The following PCYT2 variants were observed in gnomAD, a reference collection of about 807,000 sequenced individuals.
The protein encoded by PCYT2 is phosphate cytidylyltransferase 2, ethanolamine, also known as ethanolamine-phosphate cytidylyltransferase.
A neutral mutation model predicts 50.0 loss-of-function variants in PCYT2; 33 were observed. That is an observed-to-expected ratio of 0.66 (90% CI 0.50 to 0.88). PCYT2 has a LOEUF of 0.88. Ranked by LOEUF, PCYT2 falls within the 40% of genes least tolerant of loss-of-function variation. PCYT2 has a pLI of 0.00. For missense variants in PCYT2, 430 were observed against 519.7 expected (o/e 0.83, Z 1.68); for synonymous variants, 240 against 203.7 (o/e 1.18, Z -1.52).
Position 81,907,028 on chromosome 17 carries a change from C to T in PCYT2, c.538-130G>A, listed in dbSNP as rs2040311423. On this transcript the variant is annotated intron_variant, in intron 6 of 12. Transcript: ENST00000538936. ...AGCCAGTCATCTCGGGCAGGGGACA[C>T]ACTGCCAGGCCAGGTGGCAGGTGGG... The T allele has an allele frequency of 5.9e-6, 7 of 1,186,752 alleles. No homozygotes were observed. In the South Asian group the frequency reaches 1.0e-4, roughly 17 times the overall value. The allele number at this position is 1,186,752 out of a possible 1,614,324, so 73.5% of individuals were successfully genotyped here.
Position 81,911,259 on chromosome 17 carries a change from G to A in PCYT2, c.89+8C>T. ...CGCCCCCGCGGCCCGCCCCGGCCCCGCGCTCACCAGCCATCGCACCACACC... is the reference window on the plus strand; with the variant it reads ...CGCCCCCGCGGCCCGCCCCGGCCCCACGCTCACCAGCCATCGCACCACACC... On this transcript the variant is annotated splice_region_variant and intron_variant, in intron 1 of 12. Transcript: ENST00000538936. 3.8e-6 allele frequency: 4 copies of A among 1,040,552 alleles called. No individual in the cohort carries two copies. The highest frequency in any genetic ancestry group is 4.6e-6 in the Non-Finnish European group (4 of 870,928). The allele number at this position is 1,040,552 out of a possible 1,614,324, so 64.5% of individuals were successfully genotyped here. A position where few individuals can be genotyped will look rare whatever the true frequency, so the allele number is the denominator to read the frequency against.
chr17:81,904,538 C>T lies in PCYT2; in HGVS notation c.*295G>A, dbSNP rs1204845849. The T allele has an allele frequency of 1.0e-5, 4 of 393,304 alleles. No homozygotes were observed. Among genetic ancestry groups the T allele is most frequent in the African/African-American group, 2.0e-5 (1 of 49,394 alleles). The allele number at this position is 393,304 out of a possible 1,614,324, so 24.4% of individuals were successfully genotyped here. A position where few individuals can be genotyped will look rare whatever the true frequency, so the allele number is the denominator to read the frequency against. On this transcript the variant is annotated 3_prime_UTR_variant, in exon 13 of 13. Coordinates refer to ENST00000538936, the MANE Select transcript of PCYT2 (RefSeq NM_002861.5). ...CCTCTGTCCAGGTGGTGGGGGCATC[C>T]GGGGACCAGGTGGGGGCGCACGCAG...
At chr17:81,907,647 G>A in intron 5 of PCYT2, 49 bp from the exon 6 acceptor site, 2 of 1,604,860 alleles carry the variant, frequency 1.2e-6, no homozygotes, top group Non-Finnish European at 1.7e-6. Context: ...TCCCGGCGTG[G>A]CCACCCCAGA....
chr17:81,908,802 G>C, intron 3 of PCYT2, 74 bp downstream of exon 3: 1 of 1,466,792 alleles, frequency 6.8e-7, no homozygotes. Context: ...CCTGTTCCCG[G>C]ATGTCCCACC....
In PCYT2 at chr17:81,902,616, C is replaced by T. The variant is rs776128847; in HGVS notation, c.*2217G>A. On this transcript the variant is annotated 3_prime_UTR_variant, in exon 13 of 13. Transcript: ENST00000538936. ...CCCTCAGCCTTTGCTTGCCTGCCCC[C>T]CAGGCTGTGTGCGTCCAGGACGTCG... is the stretch of plus-strand genomic sequence containing the variant. 5 of 1,581,368 alleles carry T rather than the reference C, an allele frequency of 3.2e-6. No individual in the cohort carries two copies. The highest frequency in any genetic ancestry group is 1.8e-5 in the Admixed American group (1 of 56,376).
chr17:81,906,540 C>T lies in PCYT2; in HGVS notation c.683G>A (p.Gly228Glu), dbSNP rs2040278710. ...CACCTTCTCCAGGAAGTCCACATGCCCGATGTCTGCACCCAGGTTAAGAAG... is the reference window on the plus strand; with the variant it reads ...CACCTTCTCCAGGAAGTCCACATGCTCGATGTCTGCACCCAGGTTAAGAAG... ...VAGAFDLFHIGHVDFLEKVHR... is the reference protein window; with the variant it reads ...VAGAFDLFHIEHVDFLEKVHR... Residue 228 changes from glycine (G) to glutamate (E), a missense_variant, in exon 8 of 13, where the codon GGG becomes GAG. This residue lies in a region of PCYT2 where 248 missense variants were observed against 300.2 expected (regional missense o/e 0.83). Transcript: ENST00000538936. 1 of 1,613,426 alleles carries T rather than the reference C, an allele frequency of 6.2e-7. No homozygotes were observed. The highest frequency in any genetic ancestry group is 2.2e-5 in the East Asian group (1 of 44,890).
rs1481376464 is a variant in PCYT2 at position 81,903,600 on chromosome 17, C to T, written c.*1233G>A. On this transcript the variant is annotated 3_prime_UTR_variant, in exon 13 of 13. Coordinates refer to ENST00000538936, the MANE Select transcript of PCYT2 (RefSeq NM_002861.5). The stretch of plus-strand genomic sequence containing the variant: ...TGGGAGCATTGGCACCACCCCACTC[C>T]TGAAAGCGGGGGCCTGGCAGGATGA... The T allele has an allele frequency of 5.2e-5, 8 of 152,394 alleles. No homozygotes were observed. Among genetic ancestry groups the T allele is most frequent in the African/African-American group, 1.9e-4 (8 of 41,462 alleles). 9.4% of individuals were successfully genotyped at this position (152,394 alleles called of 1,614,324 possible).
chr17:81,909,723 T>C, intron 1 of PCYT2, 121 bp from the exon 2 acceptor site: 1 of 730,582 alleles, frequency 1.4e-6, no homozygotes, highest in Non-Finnish European at 2.5e-6. Context: ...GAGAAGCTGC[T>C]GCTGGGAGCC....
In PCYT2 at chr17:81,904,669, C is replaced by CCTG. The variant is rs35576786; in HGVS notation, c.*161_*163dup. On this transcript the variant is annotated 3_prime_UTR_variant, in exon 13 of 13. Transcript: ENST00000538936. The stretch of plus-strand genomic sequence containing the variant: ...CAGCTTTGCTGGAAAGAGCGGAGAG[C>CCTG]CTGCTGCAAACCAGGCACCTTGTAG... 4,263 of 595,332 alleles carry CCTG rather than the reference C, an allele frequency of 7.2e-3. 35 individuals carry two copies. The highest frequency in any genetic ancestry group is 0.021 in the Middle Eastern group (54 of 2,566). 36.9% of individuals were successfully genotyped at this position (595,332 alleles called of 1,614,324 possible). A position where few individuals can be genotyped will look rare whatever the true frequency, so the allele number is the denominator to read the frequency against.
At chr17:81,908,746 A>G in intron 3 of PCYT2, 112 bp from the exon 4 acceptor site, 1 of 1,322,804 alleles carries the variant, frequency 7.6e-7, no homozygotes, top group Non-Finnish European at 1.1e-6. Context: ...GCCCATTTCT[A>G]GGTGGGGGCC....
At chr17:81,907,707 G>C in intron 5 of PCYT2, 66 bp downstream of exon 5, 1 of 1,592,352 alleles carries the variant, frequency 6.3e-7, no homozygotes, top group African/African-American at 1.3e-5. Flanking sequence ...AGAGGGCAGG[G>C]AGGTGCCCCT....
Position 81,904,754 on chromosome 17 carries a change from G to T in PCYT2, c.*79C>A. ...CAGAGCCAGGCCAGTTAGAGAGGGCGGCCCTGCAGAGTCCTATGTCCAAAC... is the reference window on the plus strand; with the variant it reads ...CAGAGCCAGGCCAGTTAGAGAGGGCTGCCCTGCAGAGTCCTATGTCCAAAC... On this transcript the variant is annotated 3_prime_UTR_variant, in exon 13 of 13. Transcript: ENST00000538936. 1.1e-6 allele frequency: 1 copy of T among 906,888 alleles called. No individual in the cohort carries two copies. The highest frequency in any genetic ancestry group is 2.6e-5 in the East Asian group (1 of 38,382). The allele number at this position is 906,888 out of a possible 1,614,324, so 56.2% of individuals were successfully genotyped here.
intron 1 of PCYT2, among the ~76,000 whole-genome samples, chr17:81,910,500 A>C (rs1357527846): frequency 6.6e-6 from 1 of 152,006 alleles, no homozygotes; most frequent in Non-Finnish European, 1.5e-5. Flanking sequence ...GCTGGAGGGG[A>C]GGAGGGGGCA....
In PCYT2 at chr17:81,901,399, G is replaced by A. The variant is rs1598308246; in HGVS notation, c.*3434C>T. ...GGCAACACCCTCACAGACACACCCA[G>A]TGACAATACTTTGCATCCTTCAATC... is the stretch of plus-strand genomic sequence containing the variant. On this transcript the variant is annotated 3_prime_UTR_variant, in exon 13 of 13. Transcript: ENST00000538936. 1 of 152,244 alleles carries A rather than the reference G, an allele frequency of 6.6e-6. No homozygotes were observed. The highest frequency in any genetic ancestry group is 2.4e-5 in the African/African-American group (1 of 41,438). The allele number at this position is 152,244 out of a possible 1,614,324, so 9.4% of individuals were successfully genotyped here. A position where few individuals can be genotyped will look rare whatever the true frequency, so the allele number is the denominator to read the frequency against.
At chr17:81,906,029 G>C (rs1033740953) in intron 9 of PCYT2, 71 bp downstream of exon 9, 2 of 1,384,740 alleles carry the variant, frequency 1.4e-6, no homozygotes, top group Admixed American at 4.0e-5. Flanking sequence ...CTGGCTCAGG[G>C]AGGCCCTTAG....
rs1222905070 is a variant in PCYT2, at chr17:81,902,864, G to T, written c.*1969C>A. The T allele has an allele frequency of 2.3e-6, 2 of 852,940 alleles. No individual in the cohort carries two copies. The highest frequency in any genetic ancestry group is 3.4e-6 in the Non-Finnish European group (2 of 583,440). 52.8% of individuals were successfully genotyped at this position (852,940 alleles called of 1,614,324 possible). A position where few individuals can be genotyped will look rare whatever the true frequency, so the allele number is the denominator to read the frequency against. On this transcript the variant is annotated 3_prime_UTR_variant, in exon 13 of 13. Coordinates refer to ENST00000538936, the MANE Select transcript of PCYT2 (RefSeq NM_002861.5). ...AGGTCTCCCCTACTCCGCTCACCCC[G>T]CAGTTAATGGCAAACGAATAAATAA...
At chr17:81,908,797 T>A in intron 3 of PCYT2, 79 bp downstream of exon 3, 1 of 1,443,214 alleles carries the variant, frequency 6.9e-7, no homozygotes, top group Non-Finnish European at 9.6e-7. Flanking sequence ...GGCCCCCTGT[T>A]CCCGGATGTC....
intron 9 of PCYT2, 86 bp downstream of exon 9, chr17:81,906,014 C>G: frequency 8.0e-7 from 1 of 1,253,608 alleles, no homozygotes; most frequent in African/African-American, 1.5e-5. Context: ...CCAAGCCCCC[C>G]TGCCCTGGCT....
rs1171517969 is a variant in PCYT2, at chr17:81,902,753, G to A, written c.*2080C>T. 5 of 1,603,510 alleles carry A rather than the reference G, an allele frequency of 3.1e-6. No individual in the cohort carries two copies. Among genetic ancestry groups the A allele is most frequent in the Admixed American group, 1.7e-5 (1 of 59,472 alleles). On this transcript the variant is annotated 3_prime_UTR_variant, in exon 13 of 13. Transcript: ENST00000538936. ...GCCGACTGCCTCGCCGCCTGAGCCC[G>A]GACCTCTCCTGGCACCGCTGGGGGC...
Sources: allele counts gnomAD v4.1 joint callset (sites outside exome capture counted in the v4.1 genomes callset), GRCh38; gene constraint gnomAD v4.1.1; regional missense constraint gnomAD v4.1.1; transcripts MANE v1.5; gene names NCBI Gene and HGNC (gene_info 2026-07-23, HGNC 2026-07-21).